MAPKBP1: variants seen among roughly 807,000 people sequenced by gnomAD.
The protein encoded by MAPKBP1 is mitogen-activated protein kinase binding protein 1.
Under a neutral mutation model 170.5 loss-of-function variants are expected in MAPKBP1, and 71 were observed. The observed-to-expected ratio is 0.42, with a 90% confidence interval of 0.34 to 0.51. The LOEUF (loss-of-function observed/expected upper bound fraction) is 0.51, where lower values mean the gene tolerates loss of function less well. Among genes scored for constraint, MAPKBP1 ranks in the 20% least tolerant of loss-of-function variants. The pLI, the probability that MAPKBP1 is intolerant of heterozygous loss-of-function variation, is 0.06. For missense variants in MAPKBP1, 1,598 were observed against 1,933.0 expected (o/e 0.83, Z 3.25); for synonymous variants, 719 against 757.9 (o/e 0.95, Z 0.84).
At chr15:41,811,055 C>A in intron 4 of MAPKBP1, 110 bp downstream of exon 4, 1 of 1,533,052 alleles carries the variant, frequency 6.5e-7, no homozygotes, top group Non-Finnish European at 9.0e-7. Context: ...GGTCCTAAAG[C>A]CAGATGGGGA....
intron 20 of MAPKBP1, 100 bp downstream of exon 20, chr15:41,819,057 C>CT (rs2064941483): frequency 3.2e-5 from 50 of 1,550,616 alleles, no homozygotes; most frequent in Non-Finnish European, 4.4e-5. Flanking sequence ...TTCAGCAACT[C>CT]TGTCTCCCAA....
Position 41,814,533 on chromosome 15 carries a change from C to G in MAPKBP1, c.981-17C>G. ...TTCCCTTCAGTCTGACCAGTGTGCC[C>G]TGTCCTCTCCCTACAGTCGCCTCTT... On this transcript the variant is annotated splice_polypyrimidine_tract_variant and intron_variant, in intron 9 of 30. Coordinates refer to ENST00000457542, the MANE Select transcript of MAPKBP1 (RefSeq NM_014994.3). The G allele has an allele frequency of 6.2e-7, 1 of 1,612,580 alleles. No individual in the cohort carries two copies. The highest frequency in any genetic ancestry group is 8.5e-7 in the Non-Finnish European group (1 of 1,178,928).
At chr15:41,821,554 C>T (rs768186574) in intron 23 of MAPKBP1, 30 bp from the exon 24 acceptor site, 1 of 1,591,842 alleles carries the variant, frequency 6.3e-7, no homozygotes, top group Non-Finnish European at 8.6e-7. Context: ...GTCACCTCTG[C>T]TCTGTTAACA....
At position 41,823,199 on chromosome 15, in the gene MAPKBP1, C is replaced by T. The variant is rs2065030487; in HGVS notation, c.3575C>T (p.Ser1192Phe). The change falls in exon 28 of 31, where the codon TCT becomes TTT. Residue 1192 changes from serine (S) to phenylalanine (F), a missense_variant. Transcript: ENST00000457542. Reference sequence around the variant, plus strand: ...TTTTCTGGACTCCAGAAGGCCCAGTCTGTGCACAGTCTGGTGCCACAGGGT... The same window carrying T: ...TTTTCTGGACTCCAGAAGGCCCAGTTTGTGCACAGTCTGGTGCCACAGGGT... ...SPFSGLQKAQ[S>F]VHSLVPQERH... 1.2e-6 allele frequency: 2 copies of T among 1,613,594 alleles called. No individual in the cohort carries two copies. Among genetic ancestry groups the T allele is most frequent in the Non-Finnish European group, 1.7e-6 (2 of 1,179,992 alleles).
chr15:41,819,492 C>G, intron 21 of MAPKBP1, 103 bp from the exon 22 acceptor site: 1 of 1,546,678 alleles, frequency 6.5e-7, no homozygotes, highest in Non-Finnish European at 8.8e-7. Context: ...ACTGAGGCAT[C>G]ACTGTGGCCA....
chr15:41,822,241 G>A lies in MAPKBP1; in HGVS notation c.3048G>A (p.Glu1016=). 1 of 1,613,330 alleles carries A rather than the reference G, an allele frequency of 6.2e-7. No homozygotes were observed. The highest frequency in any genetic ancestry group is 8.5e-7 in the Non-Finnish European group (1 of 1,179,518). The change falls in exon 26 of 31, where the codon GAG becomes GAA. Residue 1016 remains glutamate (E), a synonymous_variant. Coordinates refer to ENST00000457542, the MANE Select transcript of MAPKBP1 (RefSeq NM_014994.3). ...CACACCCAGACTCTGAGAGCACGGA[G>A]CCCCTCAGTGTGGATGGCATCTCCT... is the stretch of plus-strand genomic sequence containing the variant. ...EHPTEDSEST[E]PLSVDGISSD...
rs561240445 is a variant in MAPKBP1, at chr15:41,827,550, C to T, written c.*2114C>T. 4 of 152,472 alleles carry T rather than the reference C, an allele frequency of 2.6e-5. No individual in the cohort carries two copies. The highest frequency in any genetic ancestry group is 9.6e-5 in the African/African-American group (4 of 41,576). 9.4% of individuals were successfully genotyped at this position (152,472 alleles called of 1,614,324 possible). ...AGGTCCTTCACGAGGAGGGAGCTACCCTTCGCCAGAAGTTTGTGAGAATGT... is the reference window on the plus strand; with the variant it reads ...AGGTCCTTCACGAGGAGGGAGCTACTCTTCGCCAGAAGTTTGTGAGAATGT... On this transcript the variant is annotated 3_prime_UTR_variant, in exon 31 of 31. Coordinates refer to ENST00000457542, the MANE Select transcript of MAPKBP1 (RefSeq NM_014994.3).
intron 2 of MAPKBP1, among the ~76,000 whole-genome samples, chr15:41,784,929 A>G (rs2064258054): frequency 6.8e-6 from 1 of 146,772 alleles, no homozygotes; most frequent in African/African-American, 2.5e-5. Context: ...TTAGTTGGGC[A>G]TGGTTGTGCA....
intron 12 of MAPKBP1, 85 bp from the exon 13 acceptor site, chr15:41,816,471 AAGG>A (rs930287044): frequency 1.8e-5 from 16 of 874,174 alleles, no homozygotes; most frequent in African/African-American, 1.5e-4. Flanking sequence ...AAAAAGGAAA[AAGG>A]AGGAGAAAAT....
At chr15:41,774,763 G>GT in intron 1 of MAPKBP1, 153 bp downstream of exon 1, 1 of 400,560 alleles carries the variant, frequency 2.5e-6, no homozygotes, top group Non-Finnish European at 4.4e-6. Context: ...ACGAGTTGTG[G>GT]GCTACGGCGA....
At chr15:41,780,384 A>C (rs1175931404) in intron 2 of MAPKBP1, among the ~76,000 whole-genome samples, 2 of 152,096 alleles carry the variant, frequency 1.3e-5, no homozygotes, top group Admixed American at 6.5e-5. Flanking sequence ...GTTATCACTG[A>C]CCCTTTGTTT....
Position 41,822,588 on chromosome 15 carries a change from G to A in MAPKBP1, c.3230-5G>A. 1 of 1,613,738 alleles carries A rather than the reference G, an allele frequency of 6.2e-7. No individual in the cohort carries two copies. The highest frequency in any genetic ancestry group is 8.5e-7 in the Non-Finnish European group (1 of 1,179,798). On this transcript the variant is annotated splice_polypyrimidine_tract_variant and splice_region_variant and intron_variant, in intron 26 of 30. Coordinates refer to ENST00000457542, the MANE Select transcript of MAPKBP1 (RefSeq NM_014994.3). Reference sequence around the variant, plus strand: ...CCCAATTCATGATTTCTCTGACCTTGGTAGGGGCCCCAGTGCAGGTCCCAG... The same window carrying A: ...CCCAATTCATGATTTCTCTGACCTTAGTAGGGGCCCCAGTGCAGGTCCCAG...
At chr15:41,814,770 G>A (rs779983235) in intron 10 of MAPKBP1, 31 bp downstream of exon 10, 17 of 1,609,750 alleles carry the variant, frequency 1.1e-5, no homozygotes, top group Non-Finnish European at 1.4e-5. Context: ...GCTGGAGACT[G>A]GCCAGGTTGG....
At position 41,820,814 on chromosome 15, in the gene MAPKBP1, C is replaced by T; in HGVS notation, c.2482-18C>T. 6.3e-7 allele frequency: 1 copy of T among 1,596,310 alleles called. No homozygotes were observed. Among genetic ancestry groups the T allele is most frequent in the Non-Finnish European group, 8.6e-7 (1 of 1,164,872 alleles). ...TGTGGTTGTTGTTACTCCTCCCCCA[C>T]CCCCTACCTCCCACCAGGCACAGGA... On this transcript the variant is annotated intron_variant, in intron 22 of 30. Coordinates refer to ENST00000457542, the MANE Select transcript of MAPKBP1 (RefSeq NM_014994.3).
Position 41,823,845 on chromosome 15 carries a change from A to G in MAPKBP1, c.3997A>G (p.Ser1333Gly), listed in dbSNP as rs1038951765. 12 of 1,614,066 alleles carry G rather than the reference A, an allele frequency of 7.4e-6. No individual in the cohort carries two copies. The highest frequency in any genetic ancestry group is 1.0e-5 in the Non-Finnish European group (12 of 1,180,036). Residue 1333 changes from serine (S) to glycine (G), a missense_variant, in exon 29 of 31, where the codon AGT becomes GGT. Transcript: ENST00000457542. Reference protein sequence around the residue: ...GFPVGLGKAHSTTERWACLGE... With the variant: ...GFPVGLGKAHGTTERWACLGE... The stretch of plus-strand genomic sequence containing the variant: ...CCCGGTGGGCCTAGGAAAAGCTCAC[A>G]GTACAACTGAGAGATGGGCCTGTTT...
At chr15:41,807,312 C>CT (rs1435405970) in intron 3 of MAPKBP1, among the ~76,000 whole-genome samples, 2 of 152,208 alleles carry the variant, frequency 1.3e-5, no homozygotes, top group African/African-American at 4.8e-5. Context: ...CCCAGGAAGA[C>CT]TGAGTTTGTA....
chr15:41,780,876 C>T (rs1037207254), intron 2 of MAPKBP1, among the ~76,000 whole-genome samples: 1 of 151,700 alleles, frequency 6.6e-6, no homozygotes, highest in African/African-American at 2.4e-5. Context: ...TTTCCAAATC[C>T]TTCCTTCCTT....
intron 9 of MAPKBP1, 87 bp from the exon 10 acceptor site, chr15:41,814,463 T>C: frequency 1.5e-6 from 2 of 1,326,164 alleles, no homozygotes; most frequent in Non-Finnish European, 2.1e-6. Flanking sequence ...CAGGGAGGGC[T>C]CCTCACACAC....
At chr15:41,780,842 G>A (rs749235608) in intron 2 of MAPKBP1, among the ~76,000 whole-genome samples, 10 of 151,668 alleles carry the variant, frequency 6.6e-5, no homozygotes, top group Non-Finnish European at 1.0e-4. Flanking sequence ...GATTTTTAGC[G>A]TTGGTATTTT....
Sources: allele counts gnomAD v4.1 joint callset (sites outside exome capture counted in the v4.1 genomes callset), GRCh38; gene constraint gnomAD v4.1.1; transcripts MANE v1.5; gene names NCBI Gene and HGNC (gene_info 2026-07-23, HGNC 2026-07-21).